ZNF365: variants seen among roughly 807,000 people sequenced by gnomAD.
ZNF365 encodes zinc finger protein 365.
In ZNF365, 22 loss-of-function variants were observed where a neutral mutation model predicts 35.0. The ratio of observed to expected loss-of-function variants is 0.63; its 90% CI spans 0.45 to 0.90. The LOEUF (loss-of-function observed/expected upper bound fraction) is 0.90, where lower values mean the gene tolerates loss of function less well. Among genes scored for constraint, ZNF365 ranks in the 40% least tolerant of loss-of-function variants. The probability of loss-of-function intolerance (pLI) is 0.00; values close to 1 mark genes in which losing one functional copy is unlikely to be tolerated. For missense variants in ZNF365, 448 were observed against 500.3 expected (o/e 0.90, Z 1.00); for synonymous variants, 188 against 196.2 (o/e 0.96, Z 0.35).
chr10:62,466,947 G>A (rs1394019924), intron 4 of ZNF365, among the ~76,000 whole-genome samples: 1 of 152,084 alleles, frequency 6.6e-6, no homozygotes, highest in Admixed American at 6.6e-5. Flanking sequence ...GGCCACAGGT[G>A]CATGCCACCA....
At chr10:62,382,531 C>T (rs1839457378) in intron 2 of ZNF365, among the ~76,000 whole-genome samples, 1 of 152,206 alleles carries the variant, frequency 6.6e-6, no homozygotes, top group African/African-American at 2.4e-5. Context: ...CTCCACTCCC[C>T]TGCCTCCTAT....
At chr10:62,441,481 T>C (rs1384999902) in intron 3 of ZNF365, among the ~76,000 whole-genome samples, 1 of 152,126 alleles carries the variant, frequency 6.6e-6, no homozygotes, top group Non-Finnish European at 1.5e-5. Context: ...AGACATGATC[T>C]TATTAGAAGT....
At chr10:62,414,153 C>T (rs1589443062) in intron 3 of ZNF365, among the ~76,000 whole-genome samples, 1 of 152,126 alleles carries the variant, frequency 6.6e-6, no homozygotes, top group Non-Finnish European at 1.5e-5. Context: ...TGTTTTTAGG[C>T]TTCTTAGCAC....
At chr10:62,439,281 A>G (rs538158724) in intron 3 of ZNF365, among the ~76,000 whole-genome samples, 8 of 151,502 alleles carry the variant, frequency 5.3e-5, no homozygotes, top group African/African-American at 1.2e-4. Context: ...CATTTTCCTC[A>G]TGCCATGTGT....
chr10:62,393,608 A>G (rs1839672342), intron 3 of ZNF365, among the ~76,000 whole-genome samples: 1 of 152,260 alleles, frequency 6.6e-6, no homozygotes, highest in Non-Finnish European at 1.5e-5. Flanking sequence ...ATGTACATGC[A>G]TGCATATACA....
intron 2 of ZNF365, among the ~76,000 whole-genome samples, chr10:62,387,837 A>G (rs1305513724): frequency 6.6e-6 from 1 of 152,136 alleles, no homozygotes; most frequent in African/African-American, 2.4e-5. Flanking sequence ...CAATCGCCAG[A>G]CTTTAAAAAT....
At chr10:62,419,542 A>C (rs1840133583) in intron 3 of ZNF365, among the ~76,000 whole-genome samples, 1 of 151,560 alleles carries the variant, frequency 6.6e-6, no homozygotes, top group Non-Finnish European at 1.5e-5. Flanking sequence ...GTCGTTTGTC[A>C]GGAATTCTCA....
At chr10:62,414,017 A>T (rs956904222) in intron 3 of ZNF365, among the ~76,000 whole-genome samples, 2 of 152,224 alleles carry the variant, frequency 1.3e-5, no homozygotes, top group Admixed American at 6.5e-5. Context: ...AGCAAGAAGC[A>T]AACACTTCCT....
At chr10:62,472,321 C>A (rs2132491536) in intron 4 of ZNF365, among the ~76,000 whole-genome samples, 1 of 152,310 alleles carries the variant, frequency 6.6e-6, no homozygotes, top group South Asian at 2.1e-4. Context: ...CAATATCTTT[C>A]TGTAATCAGT....
chr10:62,465,225 G>C (rs1188295603), intron 4 of ZNF365, among the ~76,000 whole-genome samples: 1 of 152,206 alleles, frequency 6.6e-6, no homozygotes, highest in Non-Finnish European at 1.5e-5. Context: ...GCACATGCTT[G>C]GAGCAGCGCT....
chr10:62,421,190 C>G (rs1035973622), intron 3 of ZNF365, among the ~76,000 whole-genome samples: 2 of 152,060 alleles, frequency 1.3e-5, no homozygotes, highest in Admixed American at 6.6e-5. Context: ...ATTGTCATCA[C>G]CAATTTTCTG....
intron 4 of ZNF365, among the ~76,000 whole-genome samples, chr10:62,462,862 T>C (rs1361716183): frequency 6.6e-6 from 1 of 152,216 alleles, no homozygotes; most frequent in East Asian, 1.9e-4. Context: ...GCCTTGCTAA[T>C]GGGAAAGATT....
At chr10:62,441,331 T>C (rs185938801) in intron 3 of ZNF365, among the ~76,000 whole-genome samples, 3 of 152,316 alleles carry the variant, frequency 2.0e-5, no homozygotes, top group African/African-American at 7.2e-5. Flanking sequence ...GAAGCCTTCT[T>C]TGACTTTTTG....
intron 4 of ZNF365, among the ~76,000 whole-genome samples, chr10:62,466,111 C>T (rs562138155): frequency 2.2e-4 from 33 of 152,138 alleles, no homozygotes; most frequent in Non-Finnish European, 2.2e-4. Context: ...GCACTGCGGG[C>T]GACAAGAAGG....
chr10:62,383,180 G>A (rs536337525), intron 2 of ZNF365, among the ~76,000 whole-genome samples: 27 of 152,346 alleles, frequency 1.8e-4, no homozygotes, highest in Non-Finnish European at 4.0e-4. Flanking sequence ...CATTAATCCT[G>A]TATTGTGTGC....
Position 62,400,966 on chromosome 10 carries a change from T to A in ZNF365, c.*1177T>A. The A allele has an allele frequency of 3.0e-6, 3 of 985,534 alleles. No homozygotes were observed. Among genetic ancestry groups the A allele is most frequent in the Non-Finnish European group, 3.6e-6 (3 of 829,938 alleles). 61.0% of individuals were successfully genotyped at this position (985,534 alleles called of 1,614,324 possible). ...CCTTCCCTCCCTAAAATGGCTTTAG[T>A]TTCCACAAAGAGCTGTTAAGAATTT... On this transcript the variant is annotated 3_prime_UTR_variant, in exon 5 of 5. Coordinates refer to ENST00000395254, the MANE Select transcript of ZNF365 (RefSeq NM_014951.3).
chr10:62,416,406 C>G (rs79888393), intron 3 of ZNF365, among the ~76,000 whole-genome samples: 1 of 152,094 alleles, frequency 6.6e-6, no homozygotes, highest in East Asian at 1.9e-4. Context: ...CTGAAGAATG[C>G]TTTTCATGTG....
intron 2 of ZNF365, among the ~76,000 whole-genome samples, chr10:62,387,683 C>T (rs906560947): frequency 2.0e-5 from 3 of 151,776 alleles, no homozygotes; most frequent in Non-Finnish European, 4.4e-5. Context: ...GGGTTGACCT[C>T]GTGGTAGCTG....
chr10:62,375,880 TTC>T, intron 1 of ZNF365: 2 of 252,884 alleles, frequency 7.9e-6, no homozygotes, highest in Admixed American at 1.1e-4. Context: ...GGCAAACTTT[TTC>T]TGTAAAGGTA....
Sources: gnomAD v4.1 joint callset for allele counts (sites outside exome capture counted in the v4.1 genomes callset) on GRCh38, gnomAD v4.1.1 for gene constraint, MANE v1.5 for transcripts, NCBI Gene and HGNC (gene_info 2026-07-23, HGNC 2026-07-21) for gene names.